CBFA2T2: variants seen among roughly 807,000 people sequenced by gnomAD.
The protein encoded by CBFA2T2 is protein CBFA2T2.
In CBFA2T2, 11 loss-of-function variants were observed where a neutral mutation model predicts 62.2. The ratio of observed to expected loss-of-function variants is 0.18; its 90% CI spans 0.11 to 0.29. The LOEUF (loss-of-function observed/expected upper bound fraction) is 0.29. Among genes scored for constraint, CBFA2T2 ranks in the 10% least tolerant of loss-of-function variants. CBFA2T2 has a pLI of 1.00. For synonymous variants in CBFA2T2, 295 were observed against 287.5 expected, an observed-to-expected ratio of 1.03 and a Z score of -0.27; for missense variants, 592 against 774.1, an observed-to-expected ratio of 0.76 and a Z score of 2.79.
At position 33,623,128 on chromosome 20, in the gene CBFA2T2, T is replaced by TG; in HGVS notation, c.525dup (p.Leu176AlafsTer37). ...CTTCCTTTCAAGGCCAACCTGCCCC[T>TG]GCTGCAGCGGGAACTGCTGCACTGC... On this transcript the variant is annotated frameshift_variant, in exon 5 of 11. Transcript: ENST00000342704. LOFTEE classifies it high-confidence loss of function. The TG allele has an allele frequency of 6.2e-7, 1 of 1,614,226 alleles. No homozygotes were observed. The highest frequency in any genetic ancestry group is 8.5e-7 in the Non-Finnish European group (1 of 1,180,042).
intron 1 of CBFA2T2, among the ~76,000 whole-genome samples, chr20:33,503,821 A>G (rs777357116): frequency 2.6e-5 from 4 of 152,064 alleles, no homozygotes; most frequent in Non-Finnish European, 5.9e-5. Context: ...TGCGTGGCCA[A>G]GATGTAATTT....
intron 1 of CBFA2T2, among the ~76,000 whole-genome samples, chr20:33,492,677 A>AT (rs942058392): frequency 5.9e-5 from 9 of 151,366 alleles, no homozygotes; most frequent in Admixed American, 2.6e-4. Context: ...CACCCAGCTA[A>AT]TTTTTTTATT....
At chr20:33,512,820 C>T (rs1431166772) in intron 1 of CBFA2T2, among the ~76,000 whole-genome samples, 10 of 149,840 alleles carry the variant, frequency 6.7e-5, no homozygotes, top group African/African-American at 2.5e-4. Context: ...GGCGCGATCT[C>T]GGGCTGACTG....
chr20:33,627,358 C>T (rs2016274101), intron 6 of CBFA2T2, among the ~76,000 whole-genome samples: 1 of 151,920 alleles, frequency 6.6e-6, no homozygotes, highest in Non-Finnish European at 1.5e-5. Flanking sequence ...GATCACACCG[C>T]TGCACTCCAT....
At chr20:33,641,556 C>A (rs1009437053) in intron 10 of CBFA2T2, among the ~76,000 whole-genome samples, 1 of 152,178 alleles carries the variant, frequency 6.6e-6, no homozygotes, top group Non-Finnish European at 1.5e-5. Flanking sequence ...GTAGGTAGAT[C>A]TCATCTACTG....
At chr20:33,516,434 C>G (rs1053228629) in intron 1 of CBFA2T2, among the ~76,000 whole-genome samples, 1 of 152,214 alleles carries the variant, frequency 6.6e-6, no homozygotes, top group African/African-American at 2.4e-5. Context: ...CGTGCCACTG[C>G]ACTCCAGCCT....
At chr20:33,597,329 A>G (rs1415943707) in intron 1 of CBFA2T2, among the ~76,000 whole-genome samples, 1 of 152,196 alleles carries the variant, frequency 6.6e-6, no homozygotes, top group Non-Finnish European at 1.5e-5. Flanking sequence ...GAATAAATAG[A>G]TGAGAAAATT....
intron 1 of CBFA2T2, among the ~76,000 whole-genome samples, chr20:33,553,900 TATTA>T (rs1287810496): frequency 2.0e-5 from 3 of 152,074 alleles, no homozygotes; most frequent in East Asian, 1.9e-4. Flanking sequence ...ATCTTAAATA[TATTA>T]ATTATATATT....
chr20:33,627,172 C>T (rs1037052107), intron 6 of CBFA2T2, among the ~76,000 whole-genome samples: 4 of 151,924 alleles, frequency 2.6e-5, no homozygotes, highest in African/African-American at 7.3e-5. Flanking sequence ...CCTAGGTGGG[C>T]GAATCGTGAG....
At chr20:33,497,446 A>G (rs1443003261) in intron 1 of CBFA2T2, among the ~76,000 whole-genome samples, 1 of 151,134 alleles carries the variant, frequency 6.6e-6, no homozygotes, top group Non-Finnish European at 1.5e-5. Context: ...CCCTGCTCAC[A>G]TATTTCTTTC....
intron 1 of CBFA2T2, among the ~76,000 whole-genome samples, chr20:33,570,270 A>T (rs1046846604): frequency 6.6e-6 from 1 of 151,436 alleles, no homozygotes; most frequent in African/African-American, 2.4e-5. Context: ...GACAAGAGCG[A>T]GACTCCATCT....
At chr20:33,616,104 G>A (rs896987883) in intron 3 of CBFA2T2, among the ~76,000 whole-genome samples, 1 of 151,582 alleles carries the variant, frequency 6.6e-6, no homozygotes, top group Non-Finnish European at 1.5e-5. Flanking sequence ...TAGATAGATA[G>A]ATAGATAGAT....
At position 33,644,553 on chromosome 20, in the gene CBFA2T2, C is replaced by T. The variant is rs1438005863; in HGVS notation, c.1695C>T (p.Ser565=). 9.3e-6 allele frequency: 15 copies of T among 1,613,888 alleles called. No homozygotes were observed. Among genetic ancestry groups the T allele is most frequent in the Admixed American group, 6.7e-5 (4 of 60,008 alleles). The change falls in exon 11 of 11, where the codon AGC becomes AGT. Residue 565 remains serine, a synonymous_variant. Transcript: ENST00000342704. ...RGSSARSADC[S]VPSPALDKTS... ...CCTCTGCCAGGTCCGCCGACTGCAG[C>T]GTGCCCAGCCCAGCCCTCGACAAGA... is the stretch of plus-strand genomic sequence containing the variant.
At chr20:33,622,450 G>A (rs2016028830) in intron 4 of CBFA2T2, among the ~76,000 whole-genome samples, 1 of 152,166 alleles carries the variant, frequency 6.6e-6, no homozygotes, top group Non-Finnish European at 1.5e-5. Context: ...ATAAAAATGG[G>A]AAAAGTAAAT....
intron 1 of CBFA2T2, among the ~76,000 whole-genome samples, chr20:33,590,239 CT>C (rs1186596552): frequency 1.4e-5 from 2 of 143,356 alleles, no homozygotes; most frequent in African/African-American, 2.6e-5. Flanking sequence ...GCTGTCTCAT[CT>C]TTTTTTACAA....
intron 3 of CBFA2T2, among the ~76,000 whole-genome samples, chr20:33,615,049 G>A (rs755930972): frequency 1.3e-5 from 2 of 152,150 alleles, no homozygotes; most frequent in Non-Finnish European, 2.9e-5. Flanking sequence ...GTGGAATTGT[G>A]GTTTCATATG....
intron 3 of CBFA2T2, among the ~76,000 whole-genome samples, 167 bp from the exon 4 acceptor site, chr20:33,619,350 T>C (rs2122322179): frequency 6.6e-6 from 1 of 151,440 alleles, no homozygotes; most frequent in East Asian, 2.0e-4. Flanking sequence ...GAGGTTACAG[T>C]GAGCCGAGAC....
chr20:33,523,762 G>C (rs1452783648), intron 1 of CBFA2T2, among the ~76,000 whole-genome samples: 1 of 152,052 alleles, frequency 6.6e-6, no homozygotes, highest in Non-Finnish European at 1.5e-5. Context: ...GATCCTCACC[G>C]CAACCTCCGC....
intron 1 of CBFA2T2, among the ~76,000 whole-genome samples, chr20:33,499,001 G>A (rs1304174883): frequency 2.6e-5 from 4 of 151,280 alleles, no homozygotes; most frequent in Admixed American, 6.6e-5. Flanking sequence ...CTGAGATCAC[G>A]CTGCTTCATT....
Sources: allele counts gnomAD v4.1 joint callset (sites outside exome capture counted in the v4.1 genomes callset), GRCh38; gene constraint gnomAD v4.1.1; transcripts MANE v1.5; gene names NCBI Gene and HGNC (gene_info 2026-07-23, HGNC 2026-07-21).